Variants in MAPK9 observed in about 807,000 individuals in gnomAD.
The protein encoded by MAPK9 is mitogen-activated protein kinase 9.
A neutral mutation model predicts 57.1 loss-of-function variants in MAPK9; 30 were observed. The ratio of observed to expected loss-of-function variants is 0.53; its 90% CI spans 0.39 to 0.71. MAPK9 has a LOEUF of 0.71. Ranked by LOEUF, MAPK9 falls within the 30% of genes least tolerant of loss-of-function variation. The pLI, the probability that MAPK9 is intolerant of heterozygous loss-of-function variation, is 0.00. For synonymous variants in MAPK9, 155 were observed against 177.0 expected, an observed-to-expected ratio of 0.88 and a Z score of 0.99; for missense variants, 362 against 521.0, an observed-to-expected ratio of 0.69 and a Z score of 2.97.
rs997476744 is a variant in MAPK9 at position 180,234,633 on chromosome 5, G to A, written c.*1751C>T. On this transcript the variant is annotated 3_prime_UTR_variant, in exon 12 of 12. Transcript: ENST00000452135. ...TTAGTGAAGTCTTTTAAAAGAAAGT[G>A]TATTACAGAGAAGGCCATTTTAAGA... is the stretch of plus-strand genomic sequence containing the variant. 12 of 152,326 alleles carry A rather than the reference G, an allele frequency of 7.9e-5. No individual in the cohort carries two copies. The highest frequency in any genetic ancestry group is 1.5e-4 in the Non-Finnish European group (10 of 68,034). The allele number at this position is 152,326 out of a possible 1,614,324, so 9.4% of individuals were successfully genotyped here. A position where few individuals can be genotyped will look rare whatever the true frequency, so the allele number is the denominator to read the frequency against.
At chr5:180,238,587 ATCTTT>A (rs1311628850) in intron 10 of MAPK9, among the ~76,000 whole-genome samples, 184 bp from the exon 11 acceptor site, 1 of 144,792 alleles carries the variant, frequency 6.9e-6, no homozygotes, top group Non-Finnish European at 1.5e-5. Context: ...GATACATTAT[ATCTTT>A]TCTTTTCTTC....
Position 180,233,786 on chromosome 5 carries a change from T to A in MAPK9, c.*2598A>T, listed in dbSNP as rs6703. 0.32 allele frequency: 48,090 copies of A among 152,158 alleles called. 8,158 individuals are homozygous for A. Among genetic ancestry groups the A allele is most frequent in the African/African-American group, 0.45 (18,855 of 41,504 alleles). The allele number at this position is 152,158 out of a possible 1,614,324, so 9.4% of individuals were successfully genotyped here. On this transcript the variant is annotated 3_prime_UTR_variant, in exon 12 of 12. Coordinates refer to ENST00000452135, the MANE Select transcript of MAPK9 (RefSeq NM_002752.5). ...AGACAGACTCGTACGTGGTTATCGC[T>A]ACTTACACAGCATTAAATGCGGGTT...
At chr5:180,272,677 T>G (rs1761445991) in intron 2 of MAPK9, among the ~76,000 whole-genome samples, 1 of 152,238 alleles carries the variant, frequency 6.6e-6, no homozygotes, top group Non-Finnish European at 1.5e-5. Flanking sequence ...ATTGTTGCTG[T>G]ATGTAGCTAT....
At chr5:180,277,449 C>G (rs1046759827) in intron 2 of MAPK9, among the ~76,000 whole-genome samples, 2 of 152,216 alleles carry the variant, frequency 1.3e-5, no homozygotes, top group African/African-American at 4.8e-5. Context: ...TCCTGTCTCC[C>G]TTTTGTAAGA....
At chr5:180,281,816 G>A (rs910521866) in intron 1 of MAPK9, among the ~76,000 whole-genome samples, 3 of 152,248 alleles carry the variant, frequency 2.0e-5, no homozygotes, top group Middle Eastern at 3.2e-3. Flanking sequence ...GGTGGTGGCT[G>A]CAGTGTGGCT....
intron 1 of MAPK9, among the ~76,000 whole-genome samples, chr5:180,289,543 C>T (rs554405575): frequency 6.6e-6 from 1 of 152,178 alleles, no homozygotes. Context: ...GGGAAGTGAT[C>T]TGGGTTCGAA....
At chr5:180,268,770 C>T (rs748476699) in intron 3 of MAPK9, among the ~76,000 whole-genome samples, 12 of 132,398 alleles carry the variant, frequency 9.1e-5, no homozygotes, top group East Asian at 2.3e-4. Context: ...GAGCTTGCAG[C>T]GAGCCAAGAT....
At position 180,282,481 on chromosome 5, in the gene MAPK9, A is replaced by G. The variant is rs35481862; in HGVS notation, c.-47-1873T>C. Among the ~76,000 whole-genome samples the G allele has an allele frequency of 8.9e-3, 1,362 of 152,320 alleles. 9 individuals carry two copies. Among genetic ancestry groups the G allele is most frequent in the Non-Finnish European group, 0.014 (949 of 68,018 alleles). On this transcript the variant is annotated intron_variant, in intron 1 of 11. Transcript: ENST00000452135. ...ACAATGTAAACAAAATCAAAAGGCAAAAGAGATCCTACCCACTGGCAGGGG... is the reference window on the plus strand; with the variant it reads ...ACAATGTAAACAAAATCAAAAGGCAGAAGAGATCCTACCCACTGGCAGGGG...
intron 9 of MAPK9, among the ~76,000 whole-genome samples, chr5:180,240,597 A>T (rs1757565367): frequency 6.6e-6 from 1 of 152,236 alleles, no homozygotes; most frequent in Non-Finnish European, 1.5e-5. Context: ...CACGCACGTG[A>T]GCACCAAACT....
chr5:180,234,289 C>A lies in MAPK9; in HGVS notation c.*2095G>T, dbSNP rs934450705. 6.6e-6 allele frequency: 1 copy of A among 152,242 alleles called. No individual in the cohort carries two copies. The highest frequency in any genetic ancestry group is 6.5e-5 in the Admixed American group (1 of 15,280). The allele number at this position is 152,242 out of a possible 1,614,324, so 9.4% of individuals were successfully genotyped here. Reference sequence around the variant, plus strand: ...TCAGTTTGAAACCATTTGCGTGGCACCAAGACCCTGGCAAATCTAGGCTCA... The same window carrying A: ...TCAGTTTGAAACCATTTGCGTGGCAACAAGACCCTGGCAAATCTAGGCTCA... On this transcript the variant is annotated 3_prime_UTR_variant, in exon 12 of 12. Coordinates refer to ENST00000452135, the MANE Select transcript of MAPK9 (RefSeq NM_002752.5).
rs184879273 is a variant in MAPK9 at position 180,285,603 on chromosome 5, G to C, written c.-47-4995C>G. 2.6e-5 allele frequency among the ~76,000 whole-genome samples: 4 copies of C among 152,212 alleles called. No homozygotes were observed. In the East Asian group the frequency reaches 7.7e-4, roughly 29 times the overall value. ...ACAATCACCCTCTGTCTCAATGCTTGCTGCCGACATTTTTTTCATTAAATT... is the reference window on the plus strand; with the variant it reads ...ACAATCACCCTCTGTCTCAATGCTTCCTGCCGACATTTTTTTCATTAAATT... On this transcript the variant is annotated intron_variant, in intron 1 of 11. Coordinates refer to ENST00000452135, the MANE Select transcript of MAPK9 (RefSeq NM_002752.5).
At chr5:180,269,134 A>C (rs1203654916) in intron 3 of MAPK9, 146 bp downstream of exon 3, 6 of 885,166 alleles carry the variant, frequency 6.8e-6, no homozygotes, top group Non-Finnish European at 8.4e-6. Flanking sequence ...AAAACAAAAA[A>C]ACAAAAAACA....
intron 10 of MAPK9, 130 bp downstream of exon 10, chr5:180,239,794 G>A: frequency 1.3e-6 from 1 of 786,220 alleles, no homozygotes; most frequent in Non-Finnish European, 2.1e-6. Flanking sequence ...AAACTGGGGA[G>A]AAAGAGGCTA....
intron 1 of MAPK9, among the ~76,000 whole-genome samples, chr5:180,284,359 C>A (rs1010515286): frequency 6.6e-6 from 1 of 152,216 alleles, no homozygotes; most frequent in East Asian, 1.9e-4. Context: ...GTGCACTCAG[C>A]AGCGCCCGCC....
At chr5:180,243,085 CA>C (rs1315524757) in intron 7 of MAPK9, among the ~76,000 whole-genome samples, 9 of 152,170 alleles carry the variant, frequency 5.9e-5, no homozygotes, top group African/African-American at 2.2e-4. Flanking sequence ...ATTAGATAAA[CA>C]TTACATAAGC....
At chr5:180,252,294 T>C (rs371458301) in intron 5 of MAPK9, among the ~76,000 whole-genome samples, 8 of 152,306 alleles carry the variant, frequency 5.3e-5, no homozygotes, top group East Asian at 1.9e-4. Flanking sequence ...ATGCCAGACC[T>C]GAGGCCTTAT....
intron 5 of MAPK9, among the ~76,000 whole-genome samples, chr5:180,251,584 A>G (rs1010502572): frequency 6.6e-6 from 1 of 151,778 alleles, no homozygotes; most frequent in African/African-American, 2.4e-5. Context: ...GCACCCTGGG[A>G]CCCTCTCTAG....
intron 5 of MAPK9, among the ~76,000 whole-genome samples, chr5:180,258,547 G>A (rs193223302): frequency 1.8e-3 from 275 of 152,218 alleles, no homozygotes; most frequent in African/African-American, 6.4e-3. Context: ...AACACATATT[G>A]GAGAGAAATC....
At chr5:180,267,499 T>C (rs890116714) in intron 3 of MAPK9, among the ~76,000 whole-genome samples, 5 of 148,340 alleles carry the variant, frequency 3.4e-5, no homozygotes, top group Non-Finnish European at 5.9e-5. Context: ...GAGGCGGAGC[T>C]TGCAGTGAGC....
Sources: allele counts gnomAD v4.1 joint callset (sites outside exome capture counted in the v4.1 genomes callset), GRCh38; gene constraint gnomAD v4.1.1; transcripts MANE v1.5; gene names NCBI Gene and HGNC (gene_info 2026-07-23, HGNC 2026-07-21).